Variants in SLC39A10 observed in about 807,000 individuals in gnomAD.
SLC39A10 encodes the protein solute carrier family 39 member 10.
A neutral mutation model predicts 65.1 loss-of-function variants in SLC39A10; 13 were observed. The observed-to-expected ratio is 0.20, with a 90% CI of 0.13 to 0.32. SLC39A10 has a LOEUF of 0.32. SLC39A10 is among the 10% of genes least tolerant of loss of function. The pLI is 1.00. For missense variants in SLC39A10, 831 were observed against 1,018.4 expected, an observed-to-expected ratio of 0.82 and a Z score of 2.50; for synonymous variants, 321 against 342.2, an observed-to-expected ratio of 0.94 and a Z score of 0.68.
intron 2 of SLC39A10, among the ~76,000 whole-genome samples, chr2:195,616,110 C>T (rs1371538502): frequency 6.6e-6 from 1 of 152,012 alleles, no homozygotes; most frequent in African/African-American, 2.4e-5. Context: ...CATAAGCCAC[C>T]AGTCCGGCTA....
At chr2:195,668,581 A>C (rs765491069) in intron 1 of SLC39A10, among the ~76,000 whole-genome samples, 8 of 152,258 alleles carry the variant, frequency 5.3e-5, no homozygotes, top group African/African-American at 1.9e-4. Context: ...ATGTGCATAC[A>C]CACATGGGTA....
chr2:195,637,195 G>C (rs1227931896), intron 2 of SLC39A10, among the ~76,000 whole-genome samples: 3 of 152,212 alleles, frequency 2.0e-5, no homozygotes, highest in African/African-American at 4.8e-5. Flanking sequence ...CTCAGGGACA[G>C]AGGCCTCACA....
At chr2:195,648,239 C>T (rs910488326) in intron 2 of SLC39A10, among the ~76,000 whole-genome samples, 7 of 151,562 alleles carry the variant, frequency 4.6e-5, no homozygotes, top group Non-Finnish European at 1.0e-4. Flanking sequence ...CTCAAGCGAT[C>T]CTCCCATCTT....
At chr2:195,691,438 A>C (rs1363328785) in intron 3 of SLC39A10, among the ~76,000 whole-genome samples, 2 of 152,178 alleles carry the variant, frequency 1.3e-5, no homozygotes, top group African/African-American at 4.8e-5. Context: ...AGTAATCTCC[A>C]CACTGTTTTT....
rs1692610989 is a variant in SLC39A10, at chr2:195,736,504, A to G, written c.*1463A>G. The G allele has an allele frequency of 6.3e-6, 1 of 159,962 alleles. No homozygotes were observed. Among genetic ancestry groups the G allele is most frequent in the South Asian group, 2.1e-4 (1 of 4,836 alleles). 9.9% of individuals were successfully genotyped at this position (159,962 alleles called of 1,614,324 possible). A position where few individuals can be genotyped will look rare whatever the true frequency, so the allele number is the denominator to read the frequency against. ...CTTATTGTTCAAATATATAAGAGCC[A>G]AACTCTTTTCCATTCCATCTAAAAT... On this transcript the variant is annotated 3_prime_UTR_variant, in exon 10 of 10. Transcript: ENST00000359634.
intron 8 of SLC39A10, among the ~76,000 whole-genome samples, chr2:195,722,943 T>C (rs1418871077): frequency 6.6e-6 from 1 of 152,196 alleles, no homozygotes; most frequent in African/African-American, 2.4e-5. Flanking sequence ...TTGCTGTTTT[T>C]CCCGTGGTAT....
chr2:195,663,789 T>G (rs1441280223), intron 1 of SLC39A10, among the ~76,000 whole-genome samples: 1 of 146,982 alleles, frequency 6.8e-6, no homozygotes, highest in East Asian at 1.9e-4. Context: ...TATAGTTTTT[T>G]TCTTTTTTTT....
In SLC39A10 at chr2:195,728,971, A is replaced by G. The variant is rs1574322045; in HGVS notation, c.2337+622A>G. On this transcript the variant is annotated intron_variant, in intron 9 of 9. Coordinates refer to ENST00000359634, the MANE Select transcript of SLC39A10 (RefSeq NM_020342.3). This position sits in a 1 kb window ranked among gnomAD's most constrained non-coding sequence, Gnocchi z 4.4. Reference sequence around the variant, plus strand: ...TCACAGTCTTATTTCAAAATTATGCAGCCTTTTTTTTTTTTTTATGAGATA... The same window carrying G: ...TCACAGTCTTATTTCAAAATTATGCGGCCTTTTTTTTTTTTTTATGAGATA... Among the ~76,000 whole-genome samples, 1 of 146,180 alleles carries G rather than the reference A, an allele frequency of 6.8e-6. No homozygotes were observed.
At chr2:195,712,315 A>C (rs1470073220) in intron 5 of SLC39A10, among the ~76,000 whole-genome samples, 1 of 152,268 alleles carries the variant, frequency 6.6e-6, no homozygotes, top group Non-Finnish European at 1.5e-5. Context: ...GATCAAAACA[A>C]GTCAAAAGGC....
At chr2:195,633,189 G>C (rs1440210865) in intron 2 of SLC39A10, among the ~76,000 whole-genome samples, 4 of 152,150 alleles carry the variant, frequency 2.6e-5, no homozygotes, top group African/African-American at 9.7e-5. Flanking sequence ...CCCCTTCATG[G>C]GCAGGAACTA....
chr2:195,642,659 T>TG (rs1470776450), intron 2 of SLC39A10, among the ~76,000 whole-genome samples: 1 of 152,188 alleles, frequency 6.6e-6, no homozygotes, highest in Non-Finnish European at 1.5e-5. Flanking sequence ...AAAAAGTACC[T>TG]GGGAGCTGAT....
At chr2:195,675,596 TAATTTTTTTG>T (rs1423260385) in intron 1 of SLC39A10, among the ~76,000 whole-genome samples, 2 of 151,946 alleles carry the variant, frequency 1.3e-5, no homozygotes, top group Non-Finnish European at 2.9e-5. Context: ...CATGCCTGGC[TAATTTTTTTG>T]AATCTTCAGT....
chr2:195,702,521 G>A (rs927199407), intron 3 of SLC39A10, among the ~76,000 whole-genome samples: 8 of 152,196 alleles, frequency 5.3e-5, no homozygotes, highest in African/African-American at 1.9e-4. Context: ...GATTTTGTCA[G>A]TTCATTTACA....
At chr2:195,643,894 C>G (rs1688858502) in intron 2 of SLC39A10, among the ~76,000 whole-genome samples, 1 of 152,212 alleles carries the variant, frequency 6.6e-6, no homozygotes, top group African/African-American at 2.4e-5. Context: ...TCCCCATTAC[C>G]TGGTTAATCT....
chr2:195,634,416 T>C (rs866154384), intron 2 of SLC39A10, among the ~76,000 whole-genome samples: 2 of 152,210 alleles, frequency 1.3e-5, no homozygotes, highest in African/African-American at 4.8e-5. Flanking sequence ...TTTTTTCTCT[T>C]TTATTTGATT....
intron 3 of SLC39A10, among the ~76,000 whole-genome samples, chr2:195,687,946 C>A (rs1484980120): frequency 6.6e-6 from 1 of 152,116 alleles, no homozygotes; most frequent in Non-Finnish European, 1.5e-5. Context: ...CTTGCACATG[C>A]TTTGAACCAA....
intron 9 of SLC39A10, among the ~76,000 whole-genome samples, chr2:195,732,553 G>A (rs1027786658): frequency 1.3e-5 from 2 of 152,194 alleles, no homozygotes; most frequent in Non-Finnish European, 2.9e-5. Context: ...TAGTTGGTAT[G>A]TATACATATC....
At chr2:195,734,355 G>A (rs1380763189) in intron 9 of SLC39A10, among the ~76,000 whole-genome samples, 2 of 151,792 alleles carry the variant, frequency 1.3e-5, no homozygotes, top group Non-Finnish European at 2.9e-5. Flanking sequence ...ATTTTTATGG[G>A]TTTCACCATA....
chr2:195,661,178 G>A (rs774275437), intron 1 of SLC39A10, among the ~76,000 whole-genome samples: 1 of 152,048 alleles, frequency 6.6e-6, no homozygotes, highest in Non-Finnish European at 1.5e-5. Flanking sequence ...TGTAGTCAAT[G>A]CAAACTCTTA....
Sources: allele counts gnomAD v4.1 joint callset (sites outside exome capture counted in the v4.1 genomes callset), GRCh38; gene constraint gnomAD v4.1.1; non-coding constraint Gnocchi (gnomAD v3.1); transcripts MANE v1.5; gene names NCBI Gene and HGNC (gene_info 2026-07-23, HGNC 2026-07-21).